The following NTNG1 variants were observed in gnomAD, a reference collection of about 807,000 sequenced individuals.
NTNG1 encodes the protein netrin-G1.
Under a neutral mutation model 54.0 loss-of-function variants are expected in NTNG1, and 16 were observed. The observed-to-expected ratio is 0.30, with a 90% CI of 0.20 to 0.45. NTNG1 has a LOEUF of 0.45. Among genes scored for constraint, NTNG1 ranks in the 20% least tolerant of loss-of-function variants. NTNG1 has a pLI of 1.00. For missense variants in NTNG1, 530 were observed against 678.7 expected, an observed-to-expected ratio of 0.78 and a Z score of 2.43; for synonymous variants, 255 against 263.1, an observed-to-expected ratio of 0.97 and a Z score of 0.30.
intron 1 of NTNG1, 39 bp from the exon 2 acceptor site, chr1:107,148,030 T>C (rs1654258946): frequency 6.5e-6 from 1 of 153,332 alleles, no homozygotes; most frequent in Non-Finnish European, 1.5e-5. Context: ...AATATATTGA[T>C]TCTGGGACAA....
chr1:107,190,274 A>G lies in NTNG1; in HGVS notation c.246+41435A>G, dbSNP rs148855198. 2.8e-3 allele frequency among the ~76,000 whole-genome samples: 421 copies of G among 152,260 alleles called. 2 individuals carry two copies. Among genetic ancestry groups the G allele is most frequent in the African/African-American group, 9.1e-3 (377 of 41,572 alleles). ...AAGCAATGTTAACTCACTTAATTCC[A>G]CTGAATTGCACACTTGAAAGTGGTT... is the stretch of plus-strand genomic sequence containing the variant. On this transcript the variant is annotated intron_variant, in intron 2 of 7. Coordinates refer to ENST00000370068, the MANE Select transcript of NTNG1 (RefSeq NM_001113226.3).
intron 7 of NTNG1, among the ~76,000 whole-genome samples, chr1:107,466,634 A>C (rs1245963063): frequency 6.6e-6 from 1 of 152,214 alleles, no homozygotes; most frequent in Non-Finnish European, 1.5e-5. Flanking sequence ...TCACTGCTTA[A>C]TCTAACCTGG....
chr1:107,221,913 A>G (rs1484020387), intron 2 of NTNG1, among the ~76,000 whole-genome samples: 1 of 152,132 alleles, frequency 6.6e-6, no homozygotes, highest in African/African-American at 2.4e-5. Flanking sequence ...CTGCTAAGCT[A>G]TCCAGCCTCA....
chr1:107,468,873 G>T (rs533936775), intron 7 of NTNG1, among the ~76,000 whole-genome samples: 12 of 152,192 alleles, frequency 7.9e-5, no homozygotes, highest in Non-Finnish European at 1.6e-4. Context: ...CAAGGTGGGC[G>T]GATCATGAGG....
At chr1:107,391,173 G>A (rs1672334156) in intron 3 of NTNG1, among the ~76,000 whole-genome samples, 1 of 152,178 alleles carries the variant, frequency 6.6e-6, no homozygotes, top group African/African-American at 2.4e-5. Flanking sequence ...AGAGTTAGGA[G>A]TGGTACAAAT....
intron 2 of NTNG1, among the ~76,000 whole-genome samples, chr1:107,236,870 T>C (rs1229429464): frequency 2.6e-5 from 4 of 152,192 alleles, no homozygotes; most frequent in Non-Finnish European, 4.4e-5. Flanking sequence ...CAATTAAACC[T>C]CTTTCTTTTG....
intron 2 of NTNG1, among the ~76,000 whole-genome samples, chr1:107,294,906 G>A (rs889350988): frequency 1.3e-5 from 2 of 152,182 alleles, no homozygotes; most frequent in Non-Finnish European, 1.5e-5. Context: ...ATGAGCTGAC[G>A]CCATGGGAGT....
At chr1:107,170,804 G>C (rs147037809) in intron 2 of NTNG1, among the ~76,000 whole-genome samples, 1 of 152,170 alleles carries the variant, frequency 6.6e-6, no homozygotes, top group African/African-American at 2.4e-5. Flanking sequence ...TACCATTGCT[G>C]ACTCCATAAT....
chr1:107,346,966 G>A (rs1669283527), intron 3 of NTNG1, among the ~76,000 whole-genome samples: 1 of 150,780 alleles, frequency 6.6e-6, no homozygotes. Flanking sequence ...GGTGGCAGAA[G>A]CAGCTACAGC....
chr1:107,461,515 T>C (rs1211335629), intron 7 of NTNG1, among the ~76,000 whole-genome samples: 6 of 151,840 alleles, frequency 4.0e-5, no homozygotes, highest in Admixed American at 2.6e-4. Flanking sequence ...ACTAGAGATA[T>C]GGATTCTCTT....
intron 7 of NTNG1, among the ~76,000 whole-genome samples, chr1:107,468,017 T>G (rs10881468): frequency 0.28 from 42,850 of 151,992 alleles, 6,614 homozygotes; most frequent in South Asian, 0.4. Context: ...CCTGACATTA[T>G]AAAATCACCT....
chr1:107,480,574 G>GCCCCC, intron 7 of NTNG1, 37 bp from the exon 8 acceptor site: 1 of 324,108 alleles, frequency 3.1e-6, no homozygotes, highest in Non-Finnish European at 5.8e-6. Context: ...TCTCCTCCCC[G>GCCCCC]CGCCCACCCA....
intron 3 of NTNG1, among the ~76,000 whole-genome samples, chr1:107,351,651 C>T (rs4274093): frequency 0.14 from 21,396 of 152,144 alleles, 1,647 homozygotes; most frequent in Middle Eastern, 0.17. Context: ...AAAACAATAT[C>T]ATTCTGCCCC....
chr1:107,190,603 T>A (rs952482325), intron 2 of NTNG1, among the ~76,000 whole-genome samples: 1 of 151,878 alleles, frequency 6.6e-6, no homozygotes, highest in Non-Finnish European at 1.5e-5. Flanking sequence ...CAGGCCCCGG[T>A]GTGTGATGTT....
chr1:107,395,195 A>G lies in NTNG1; in HGVS notation c.929A>G (p.Asn310Ser). 1.9e-6 allele frequency: 3 copies of G among 1,613,532 alleles called. No homozygotes were observed. Among genetic ancestry groups the G allele is most frequent in the Non-Finnish European group, 2.5e-6 (3 of 1,179,584 alleles). The change falls in exon 4 of 8, where the codon AAC becomes AGC. Residue 310 changes from asparagine to serine, a missense_variant. Physicochemically the swap from Asn to Ser is conservative, Grantham distance 46. Transcript: ENST00000370068. Reference sequence around the variant, plus strand: ...CATGCCACTGTATGTGTGTATGACAACAGCAAATTGACATGCGAATGTGAG... The same window carrying G: ...CATGCCACTGTATGTGTGTATGACAGCAGCAAATTGACATGCGAATGTGAG... ...NLHATVCVYD[N>S]SKLTCECEHN...
chr1:107,161,872 A>G (rs1411228330), intron 2 of NTNG1, among the ~76,000 whole-genome samples: 3 of 151,590 alleles, frequency 2.0e-5, no homozygotes, highest in Admixed American at 2.0e-4. Flanking sequence ...GCTTTTATAC[A>G]TGGATTATGT....
intron 4 of NTNG1, among the ~76,000 whole-genome samples, chr1:107,401,135 C>A (rs1557968060): frequency 6.6e-6 from 1 of 152,110 alleles, no homozygotes; most frequent in East Asian, 1.9e-4. Context: ...CTTGGAGGAA[C>A]TTTAATGGGA....
At position 107,436,661 on chromosome 1, in the gene NTNG1, A is replaced by T; in HGVS notation, c.1256-4A>T. On this transcript the variant is annotated splice_region_variant and splice_polypyrimidine_tract_variant and intron_variant, in intron 6 of 7. Transcript: ENST00000370068. The stretch of plus-strand genomic sequence containing the variant: ...CCAGCCTGTGTGTTGTCTTGTTTCT[A>T]CAGAGTGTTATTGTAACCCTTTGGG... The T allele has an allele frequency of 1.9e-6, 3 of 1,612,262 alleles. No homozygotes were observed. Among genetic ancestry groups the T allele is most frequent in the Non-Finnish European group, 2.5e-6 (3 of 1,178,930 alleles).
intron 1 of NTNG1, among the ~76,000 whole-genome samples, chr1:107,144,320 C>A (rs1335887822): frequency 6.6e-6 from 1 of 151,814 alleles, no homozygotes; most frequent in African/African-American, 2.4e-5. Context: ...TTATAAAATT[C>A]TTAATGTGAA....
Sources: allele counts gnomAD v4.1 joint callset (sites outside exome capture counted in the v4.1 genomes callset), GRCh38; gene constraint gnomAD v4.1.1; transcripts MANE v1.5; gene names NCBI Gene and HGNC (gene_info 2026-07-23, HGNC 2026-07-21).